Variants in PRIM2 observed in about 807,000 individuals in gnomAD.
PRIM2 encodes DNA primase large subunit.
A neutral mutation model predicts 67.3 loss-of-function variants in PRIM2; 39 were observed. The observed-to-expected ratio is 0.58, with a 90% CI of 0.45 to 0.76. PRIM2 has a LOEUF of 0.76. Among genes scored for constraint, PRIM2 ranks in the 30% least tolerant of loss-of-function variants. The pLI is 0.00. For missense variants in PRIM2, 398 were observed against 598.7 expected (o/e 0.66, Z 3.50); for synonymous variants, 143 against 198.7 (o/e 0.72, Z 2.36).
the PRIM2 span, among the ~76,000 whole-genome samples, chr6:57,283,484 A>T: frequency 6.6e-6 from 1 of 152,174 alleles, no homozygotes; most frequent in Admixed American, 6.5e-5. Flanking sequence ...ACTTCTCCAT[A>T]TAGTTATACC....
chr6:57,260,639 C>T, the PRIM2 span, among the ~76,000 whole-genome samples: 10,065 of 152,100 alleles, frequency 0.066, 479 homozygotes, highest in East Asian at 0.17. Context: ...TTTACATGAA[C>T]CTGAAAAGAT....
At chr6:57,381,979 A>G in intron 6 of PRIM2, 52 bp from the exon 7 acceptor site, 1 of 1,543,622 alleles carries the variant, frequency 6.5e-7, no homozygotes. Context: ...AAGACTTAGG[A>G]TTTCTTAATG....
At position 57,607,766 on chromosome 6, in the gene PRIM2, A is replaced by G. The variant is rs1211656748; in HGVS notation, c.1230+1309A>G. 5.9e-5 allele frequency among the ~76,000 whole-genome samples: 9 copies of G among 152,334 alleles called. No individual in the cohort carries two copies. The East Asian group carries it at 1.5e-3, about 26-fold the overall frequency. ...AAAGGATCACCTTTTTGAAAACAAT[A>G]CAAGTTCTTAACGTATCTATGTTAA... On this transcript the variant is annotated intron_variant, in intron 12 of 13. Coordinates refer to ENST00000615550, the MANE Select transcript of PRIM2 (RefSeq NM_000947.5).
intron 12 of PRIM2, among the ~76,000 whole-genome samples, chr6:57,628,692 A>G (rs1344327621): frequency 6.6e-6 from 1 of 151,980 alleles, no homozygotes; most frequent in Non-Finnish European, 1.5e-5. Context: ...TTTTGTGACC[A>G]TGTATAACCA....
At chr6:57,347,027 A>G (rs963197154) in intron 5 of PRIM2, among the ~76,000 whole-genome samples, 4 of 151,994 alleles carry the variant, frequency 2.6e-5, no homozygotes, top group African/African-American at 7.3e-5. Flanking sequence ...CTGTTTGTTT[A>G]TCTCCATGAC....
At chr6:57,543,152 G>A (rs1167803108) in intron 10 of PRIM2, among the ~76,000 whole-genome samples, 14 of 150,710 alleles carry the variant, frequency 9.3e-5, no homozygotes, top group Non-Finnish European at 1.3e-4. Context: ...TGTTAGCCAG[G>A]ATGGTCTCGA....
chr6:57,490,631 A>G (rs1773867524), intron 7 of PRIM2, among the ~76,000 whole-genome samples: 1 of 152,244 alleles, frequency 6.6e-6, no homozygotes, highest in African/African-American at 2.4e-5. Flanking sequence ...GAGTAGGAAT[A>G]TTAGATTGAC....
upstream of PRIM2, among the ~76,000 whole-genome samples, chr6:57,312,986 TAA>T (rs1422222665): frequency 1.3e-5 from 2 of 152,198 alleles, no homozygotes; most frequent in African/African-American, 4.8e-5. Context: ...TGTCATATAC[TAA>T]GTTTCCTCAT....
intron 8 of PRIM2, among the ~76,000 whole-genome samples, chr6:57,525,019 C>G (rs1203803958): frequency 4.7e-4 from 72 of 151,816 alleles, no homozygotes; most frequent in African/African-American, 5.3e-4. Flanking sequence ...GATTAAAGAC[C>G]TATCTCAGGA....
At chr6:57,258,969 G>C in the PRIM2 span, among the ~76,000 whole-genome samples, 1 of 152,122 alleles carries the variant, frequency 6.6e-6, no homozygotes, top group African/African-American at 2.4e-5. Flanking sequence ...TTTGCACCTA[G>C]AAATAAAATA....
At chr6:57,397,594 C>T (rs1770562246) in intron 7 of PRIM2, among the ~76,000 whole-genome samples, 2 of 151,864 alleles carry the variant, frequency 1.3e-5, no homozygotes, top group African/African-American at 2.4e-5. Flanking sequence ...TTTTGGATTT[C>T]CTTGCATTGG....
At chr6:57,627,337 C>T (rs1281112292) in intron 12 of PRIM2, among the ~76,000 whole-genome samples, 1,200 of 114,008 alleles carry the variant, frequency 0.011, 19 homozygotes, top group Middle Eastern at 0.038. Context: ...TTTAAAAATA[C>T]GAATTACCAA....
At chr6:57,506,980 A>T (rs1402700401) in intron 7 of PRIM2, among the ~76,000 whole-genome samples, 4 of 152,212 alleles carry the variant, frequency 2.6e-5, no homozygotes, top group African/African-American at 9.6e-5. Flanking sequence ...ATCAGAATTT[A>T]TCTTCCCAAT....
chr6:57,361,203 T>A (rs1031846295), intron 5 of PRIM2, among the ~76,000 whole-genome samples: 1 of 152,160 alleles, frequency 6.6e-6, no homozygotes, highest in Non-Finnish European at 1.5e-5. Context: ...AATGGCCCTT[T>A]GGCAGTGTAG....
chr6:57,565,351 A>G, intron 10 of PRIM2, among the ~76,000 whole-genome samples: 1 of 148,628 alleles, frequency 6.7e-6, no homozygotes, highest in Non-Finnish European at 1.5e-5. Context: ...CTCTCTCTAT[A>G]TAAAGATATT....
intron 7 of PRIM2, among the ~76,000 whole-genome samples, chr6:57,454,939 C>T (rs562896256): frequency 1.3e-5 from 2 of 152,098 alleles, no homozygotes; most frequent in African/African-American, 2.4e-5. Flanking sequence ...ATAAATTTCC[C>T]TCTACACAGT....
chr6:57,464,170 T>C (rs1773106546), intron 7 of PRIM2, among the ~76,000 whole-genome samples: 2 of 152,208 alleles, frequency 1.3e-5, no homozygotes, highest in South Asian at 2.1e-4. Flanking sequence ...CATGTAATAA[T>C]GTCACGTTTG....
intron 7 of PRIM2, among the ~76,000 whole-genome samples, chr6:57,391,940 C>G (rs1770362443): frequency 2.6e-5 from 4 of 152,174 alleles, no homozygotes; most frequent in African/African-American, 9.6e-5. Flanking sequence ...AGGAATAGGA[C>G]TGAATTATAT....
the PRIM2 span, among the ~76,000 whole-genome samples, chr6:57,247,881 A>G: frequency 6.6e-6 from 1 of 152,220 alleles, no homozygotes; most frequent in East Asian, 1.9e-4. Context: ...GTGGGTGAGC[A>G]TGAGTTTCAT....
Sources: allele counts gnomAD v4.1 joint callset (sites outside exome capture counted in the v4.1 genomes callset), GRCh38; gene constraint gnomAD v4.1.1; transcripts MANE v1.5; gene names NCBI Gene and HGNC (gene_info 2026-07-23, HGNC 2026-07-21).